LRRD1: variants seen among roughly 807,000 people sequenced by gnomAD.
LRRD1 encodes leucine rich repeats and death domain containing 1, also known as leucine-rich repeat and death domain-containing protein 1.
In LRRD1, 49 loss-of-function variants were observed where a neutral mutation model predicts 69.5. The observed-to-expected ratio is 0.70, with a 90% CI of 0.56 to 0.89. The LOEUF (loss-of-function observed/expected upper bound fraction) is 0.89, where lower values mean the gene tolerates loss of function less well. Among genes scored for constraint, LRRD1 ranks in the 40% least tolerant of loss-of-function variants. The pLI is 0.00. For synonymous variants in LRRD1, 303 were observed against 338.9 expected (o/e 0.89, Z 1.16); for missense variants, 853 against 956.0 (o/e 0.89, Z 1.42).
intron 3 of LRRD1, among the ~76,000 whole-genome samples, chr7:92,158,338 A>G (rs920146397): frequency 1.3e-5 from 2 of 152,160 alleles, no homozygotes; most frequent in Non-Finnish European, 2.9e-5. Flanking sequence ...CTTGGGCAAC[A>G]GAGTGAGACC....
chr7:92,157,029 CTT>C (rs34543093), intron 3 of LRRD1, among the ~76,000 whole-genome samples: 6,853 of 111,642 alleles, frequency 0.061, 391 homozygotes, highest in African/African-American at 0.22. Context: ...ATGATATTTG[CTT>C]TTTTTTTTTT....
At position 92,159,201 on chromosome 7, in the gene LRRD1, T is replaced by C. The variant is rs1788745590; in HGVS notation, c.1920A>G (p.Leu640=). ...LNISQIKGRK[L]TRLPGELSNM... is the part of the protein sequence containing the mutation. ...TAGATAGCTCTCCTGGAAGTCTTGT[T>C]AGCTGTAACAAAGATTACACAATTA... Residue 640 remains leucine (L), a splice_region_variant and synonymous_variant, in exon 3 of 6, where the codon CTA becomes CTG. Coordinates refer to ENST00000458448, the MANE Select transcript of LRRD1 (RefSeq NM_001161528.2). The C allele has an allele frequency of 2.0e-6, 3 of 1,486,438 alleles. No individual in the cohort carries two copies. Among genetic ancestry groups the C allele is most frequent in the Non-Finnish European group, 2.7e-6 (3 of 1,119,744 alleles). The allele number at this position is 1,486,438 out of a possible 1,614,324, so 92.1% of individuals were successfully genotyped here. A position where few individuals can be genotyped will look rare whatever the true frequency, so the allele number is the denominator to read the frequency against.
chr7:92,168,488 C>T (rs1261179409), intron 1 of LRRD1, among the ~76,000 whole-genome samples: 3 of 152,134 alleles, frequency 2.0e-5, no homozygotes, highest in East Asian at 1.9e-4. Context: ...GTAGGAGGTT[C>T]GTTCCACAGG....
At chr7:92,152,594 T>G (rs1325463803) in intron 3 of LRRD1, among the ~76,000 whole-genome samples, 1 of 152,220 alleles carries the variant, frequency 6.6e-6, no homozygotes, top group Non-Finnish European at 1.5e-5. Flanking sequence ...CATTTTGTAT[T>G]TCTTTCATCA....
At chr7:92,148,790 C>G (rs768714164) in intron 4 of LRRD1, among the ~76,000 whole-genome samples, 2 of 152,186 alleles carry the variant, frequency 1.3e-5, no homozygotes, top group Non-Finnish European at 2.9e-5. Context: ...CACTGTCACC[C>G]GGGCTGGAGT....
At chr7:92,166,188 G>A (rs945682370) in intron 1 of LRRD1, among the ~76,000 whole-genome samples, 4 of 152,174 alleles carry the variant, frequency 2.6e-5, no homozygotes, top group Non-Finnish European at 4.4e-5. Context: ...AGCTCTGTAA[G>A]TCCCTCCTTC....
chr7:92,178,575 C>T (rs951261787), intron 1 of LRRD1, among the ~76,000 whole-genome samples: 6 of 151,874 alleles, frequency 4.0e-5, no homozygotes, highest in African/African-American at 1.5e-4. Flanking sequence ...GAGGCTGAGA[C>T]AGGAGAATTA....
At chr7:92,149,900 G>C in intron 4 of LRRD1, 1 of 456,636 alleles carries the variant, frequency 2.2e-6, no homozygotes, top group East Asian at 7.0e-5. Flanking sequence ...GATTGGAACT[G>C]ACAGATTTAT....
downstream of LRRD1, chr7:92,142,513 A>G (rs1315016389): frequency 2.2e-6 from 1 of 456,754 alleles, no homozygotes; most frequent in East Asian, 6.9e-5. Context: ...GATCCAAAAG[A>G]AACTGTTAAT....
chr7:92,170,431 AG>A (rs1343844758), intron 1 of LRRD1, among the ~76,000 whole-genome samples: 1 of 152,258 alleles, frequency 6.6e-6, no homozygotes, highest in Non-Finnish European at 1.5e-5. Flanking sequence ...GGCTACTTTA[AG>A]GCATGTAATA....
intron 4 of LRRD1, among the ~76,000 whole-genome samples, chr7:92,147,791 G>A (rs188358611): frequency 1.1e-4 from 16 of 151,926 alleles, no homozygotes; most frequent in Admixed American, 2.6e-4. Flanking sequence ...GAGTGCAGTA[G>A]CATAATCACA....
At chr7:92,156,609 C>T (rs1788663291) in intron 3 of LRRD1, among the ~76,000 whole-genome samples, 1 of 152,168 alleles carries the variant, frequency 6.6e-6, no homozygotes, top group Non-Finnish European at 1.5e-5. Context: ...AGTCTGTAGA[C>T]ATATGATTGA....
downstream of LRRD1, among the ~76,000 whole-genome samples, chr7:92,143,137 T>C (rs987474050): frequency 7.9e-5 from 12 of 151,996 alleles, no homozygotes; most frequent in African/African-American, 2.7e-4. Context: ...AGATACAGAG[T>C]GTCGATTGGT....
At chr7:92,149,867 G>C in intron 4 of LRRD1, 2 of 454,030 alleles carry the variant, frequency 4.4e-6, no homozygotes, top group Non-Finnish European at 8.9e-6. Context: ...ATGTCTTTTA[G>C]AACAACTACA....
chr7:92,143,611 C>G (rs1046964662), downstream of LRRD1, among the ~76,000 whole-genome samples: 1 of 152,140 alleles, frequency 6.6e-6, no homozygotes, highest in African/African-American at 2.4e-5. Flanking sequence ...GCTGGCCGGC[C>G]GCTCCGAGTG....
rs966501896 is a variant in LRRD1 at position 92,144,884 on chromosome 7, C to T, written c.*4G>A. The stretch of plus-strand genomic sequence containing the variant: ...GTTTTCAGTTTTTATTATTGATCCA[C>T]TGGTTAGAATTTAATTGCACGCGTA... On this transcript the variant is annotated 3_prime_UTR_variant, in exon 6 of 6. Transcript: ENST00000458448. 6.2e-6 allele frequency: 9 copies of T among 1,449,798 alleles called. No homozygotes were observed. The highest frequency in any genetic ancestry group is 8.3e-6 in the Non-Finnish European group (9 of 1,087,410). 89.8% of individuals were successfully genotyped at this position (1,449,798 alleles called of 1,614,324 possible). A position where few individuals can be genotyped will look rare whatever the true frequency, so the allele number is the denominator to read the frequency against.
chr7:92,175,109 T>G (rs1465205548), intron 1 of LRRD1, among the ~76,000 whole-genome samples: 1 of 152,052 alleles, frequency 6.6e-6, no homozygotes, highest in Admixed American at 6.6e-5. Flanking sequence ...ACCCATAATG[T>G]GTGTCCATAT....
intron 3 of LRRD1, among the ~76,000 whole-genome samples, chr7:92,158,706 G>A (rs892409412): frequency 6.6e-5 from 10 of 152,158 alleles, no homozygotes; most frequent in African/African-American, 2.4e-4. Flanking sequence ...GTGTAGGTGT[G>A]TGTAGAGGAA....
chr7:92,173,918 G>C (rs1050466553), intron 1 of LRRD1, among the ~76,000 whole-genome samples: 7 of 151,966 alleles, frequency 4.6e-5, no homozygotes, highest in African/African-American at 1.7e-4. Context: ...CAAAATATGG[G>C]ATCAGCTTAA....
Sources: gnomAD v4.1 joint callset for allele counts (sites outside exome capture counted in the v4.1 genomes callset) on GRCh38, gnomAD v4.1.1 for gene constraint, MANE v1.5 for transcripts, NCBI Gene and HGNC (gene_info 2026-07-23, HGNC 2026-07-21) for gene names.